Variants in SLIT2 observed in about 807,000 individuals in gnomAD.
SLIT2 encodes slit guidance ligand 2.
Under a neutral mutation model 185.7 loss-of-function variants are expected in SLIT2, and 41 were observed. The ratio of observed to expected loss-of-function variants is 0.22; its 90% CI spans 0.17 to 0.29. SLIT2 has a LOEUF of 0.29. Among genes scored for constraint, SLIT2 ranks in the 10% least tolerant of loss-of-function variants. SLIT2 has a pLI of 1.00. For missense variants in SLIT2, 1,571 were observed against 1,909.0 expected (o/e 0.82, Z 3.30); for synonymous variants, 693 against 680.2 (o/e 1.02, Z -0.29).
chr4:20,343,784 G>C (rs1721156181), intron 4 of SLIT2, among the ~76,000 whole-genome samples: 1 of 141,732 alleles, frequency 7.1e-6, no homozygotes, highest in Non-Finnish European at 1.5e-5. Context: ...TGGGATTATA[G>C]GCATGAGTCC....
At position 20,616,874 on chromosome 4, in the gene SLIT2, A is replaced by T. The variant is rs753004244; in HGVS notation, c.3848-36A>T. On this transcript the variant is annotated intron_variant, in intron 34 of 36. Coordinates refer to ENST00000504154, the MANE Select transcript of SLIT2 (RefSeq NM_004787.4). ...AGTAGCAAATGGCTCAGAAATCCCC[A>T]GAGAGCCTGACCTCTGACCTGGTGT... is the stretch of plus-strand genomic sequence containing the variant. The T allele has an allele frequency of 1.9e-6, 3 of 1,547,974 alleles. No homozygotes were observed. The East Asian group carries it at 6.8e-5, about 35-fold the overall frequency.
chr4:20,320,347 C>T lies in SLIT2; in HGVS notation c.395+51466C>T, dbSNP rs571118908. ...AGACAGAAACAAGGATCCTTGGTGT[C>T]ATGGTGGAATCACTCAGCTTTCAGT... On this transcript the variant is annotated intron_variant, in intron 4 of 36. Coordinates refer to ENST00000504154, the MANE Select transcript of SLIT2 (RefSeq NM_004787.4). 3.3e-5 allele frequency among the ~76,000 whole-genome samples: 5 copies of T among 152,250 alleles called. No homozygotes were observed. The South Asian group carries it at 1.0e-3, about 32-fold the overall frequency.
At chr4:20,505,858 TC>T (rs1719162455) in intron 9 of SLIT2, among the ~76,000 whole-genome samples, 1 of 152,042 alleles carries the variant, frequency 6.6e-6, no homozygotes, top group Non-Finnish European at 1.5e-5. Flanking sequence ...AGCTTTAAAG[TC>T]GTGAAGACAT....
chr4:20,322,022 C>T (rs527386860), intron 4 of SLIT2, among the ~76,000 whole-genome samples: 9 of 152,226 alleles, frequency 5.9e-5, no homozygotes, highest in South Asian at 2.1e-4. Context: ...ACTAACAACT[C>T]GTTGAAAGCC....
chr4:20,461,627 G>A (rs961817111), intron 4 of SLIT2, among the ~76,000 whole-genome samples: 9 of 152,150 alleles, frequency 5.9e-5, no homozygotes, highest in Admixed American at 3.3e-4. Flanking sequence ...GGGACTAGAC[G>A]TGCAGGTAGG....
chr4:20,600,412 C>CTTT (rs1560230010), intron 33 of SLIT2, among the ~76,000 whole-genome samples: 2 of 125,632 alleles, frequency 1.6e-5, no homozygotes, highest in African/African-American at 6.8e-5. Context: ...TATTATGTTG[C>CTTT]ATTTTTTTTT....
At chr4:20,482,828 T>C (rs1411204650) in intron 6 of SLIT2, among the ~76,000 whole-genome samples, 1 of 151,836 alleles carries the variant, frequency 6.6e-6, no homozygotes, top group Non-Finnish European at 1.5e-5. Context: ...GACATTACTT[T>C]AAATGTTTTT....
In SLIT2 at chr4:20,533,559, A is replaced by G. The variant is rs1721992635; in HGVS notation, c.1689-13A>G. The G allele has an allele frequency of 6.3e-7, 1 of 1,591,984 alleles. No individual in the cohort carries two copies. The highest frequency in any genetic ancestry group is 8.6e-7 in the Non-Finnish European group (1 of 1,166,108). ...AATTATTTAAAACCTTTGTTCCAAC[A>G]ATTTTTATTTAGAAACTTTAGCAAC... On this transcript the variant is annotated splice_polypyrimidine_tract_variant and intron_variant, in intron 17 of 36. Transcript: ENST00000504154.
At chr4:20,347,553 C>G (rs1455090005) in intron 4 of SLIT2, among the ~76,000 whole-genome samples, 1 of 152,154 alleles carries the variant, frequency 6.6e-6, no homozygotes, top group Non-Finnish European at 1.5e-5. Flanking sequence ...GAATATAAAA[C>G]ACCATCAGTT....
intron 3 of SLIT2, among the ~76,000 whole-genome samples, chr4:20,263,817 A>G (rs1712747202): frequency 6.6e-6 from 1 of 151,900 alleles, no homozygotes. Flanking sequence ...AATAACTATT[A>G]TTCTGCATTT....
chr4:20,525,112 G>A (rs1196153301), intron 14 of SLIT2, 37 bp from the exon 15 acceptor site: 15 of 1,530,384 alleles, frequency 9.8e-6, no homozygotes, highest in Non-Finnish European at 1.4e-5. Flanking sequence ...CTGACATTCA[G>A]GTGCATCTTC....
chr4:20,395,944 A>AAT (rs1725852694), intron 4 of SLIT2, among the ~76,000 whole-genome samples: 2 of 151,952 alleles, frequency 1.3e-5, no homozygotes, highest in Non-Finnish European at 2.9e-5. Context: ...AAACATTACA[A>AAT]AGTAAAATTA....
chr4:20,599,986 C>T (rs1384069247), intron 33 of SLIT2, among the ~76,000 whole-genome samples: 1 of 152,104 alleles, frequency 6.6e-6, no homozygotes, highest in African/African-American at 2.4e-5. Flanking sequence ...AGCATGGAAA[C>T]AAACACATAA....
chr4:20,467,708 A>T lies in SLIT2; in HGVS notation c.396-44A>T, dbSNP rs747480877. On this transcript the variant is annotated intron_variant, in intron 4 of 36. Coordinates refer to ENST00000504154, the MANE Select transcript of SLIT2 (RefSeq NM_004787.4). Reference sequence around the variant, plus strand: ...ACATTTGGATTAAAATAATCTTTAAATAATATTTTCTAACGTGATCCTTTT... The same window carrying T: ...ACATTTGGATTAAAATAATCTTTAATTAATATTTTCTAACGTGATCCTTTT... 7 of 1,176,816 alleles carry T rather than the reference A, an allele frequency of 5.9e-6. 1 individual carries two copies. The South Asian group carries it at 8.5e-5, about 14-fold the overall frequency. The allele number at this position is 1,176,816 out of a possible 1,614,324, so 72.9% of individuals were successfully genotyped here.
intron 34 of SLIT2, chr4:20,616,166 A>G (rs993663254): frequency 6.6e-6 from 1 of 152,236 alleles, no homozygotes; most frequent in Non-Finnish European, 1.5e-5. Context: ...AATGATGTGA[A>G]TGAGGTGCTG....
intron 25 of SLIT2, among the ~76,000 whole-genome samples, chr4:20,551,734 C>T (rs16869756): frequency 0.016 from 2,360 of 152,180 alleles, 74 homozygotes; most frequent in African/African-American, 0.054. Flanking sequence ...GCCATATCCT[C>T]TCCTGGTTTT....
chr4:20,618,333 A>G (rs1300494140), intron 36 of SLIT2, among the ~76,000 whole-genome samples: 1 of 152,206 alleles, frequency 6.6e-6, no homozygotes. Context: ...GGGGTAATTT[A>G]TGAAGTTAAT....
intron 4 of SLIT2, among the ~76,000 whole-genome samples, chr4:20,369,561 ATCTC>A (rs1723405094): frequency 6.6e-6 from 1 of 152,020 alleles, no homozygotes; most frequent in South Asian, 2.1e-4. Flanking sequence ...CCAGCCCCTG[ATCTC>A]TCTGAGTCCT....
intron 4 of SLIT2, among the ~76,000 whole-genome samples, chr4:20,426,394 A>G (rs1728559382): frequency 6.6e-6 from 1 of 152,194 alleles, no homozygotes; most frequent in Admixed American, 6.5e-5. Context: ...TTTAGAAAAT[A>G]GGGAGTTTTG....
Sources: gnomAD v4.1 joint callset for allele counts (sites outside exome capture counted in the v4.1 genomes callset) on GRCh38, gnomAD v4.1.1 for gene constraint, MANE v1.5 for transcripts, NCBI Gene and HGNC (gene_info 2026-07-23, HGNC 2026-07-21) for gene names.